PAWR: variants seen among roughly 807,000 people sequenced by gnomAD.
The protein encoded by PAWR is pro-apoptotic WT1 regulator.
Under a neutral mutation model 32.0 loss-of-function variants are expected in PAWR, and 23 were observed. The observed-to-expected ratio is 0.72, with a 90% confidence interval of 0.52 to 1.02. PAWR has a LOEUF of 1.02. Among genes scored for constraint, PAWR ranks in the 50% least tolerant of loss-of-function variants. PAWR has a pLI of 0.00. For missense variants in PAWR, 457 were observed against 437.7 expected, an observed-to-expected ratio of 1.04 and a Z score of -0.39; for synonymous variants, 226 against 187.1, an observed-to-expected ratio of 1.21 and a Z score of -1.70.
rs1190753625 is a variant in PAWR at position 79,590,435 on chromosome 12, T to C, written c.*2172A>G. 2 of 152,098 alleles carry C rather than the reference T, an allele frequency of 1.3e-5. No individual in the cohort carries two copies. Among genetic ancestry groups the C allele is most frequent in the Non-Finnish European group, 2.9e-5 (2 of 68,036 alleles). 9.4% of individuals were successfully genotyped at this position (152,098 alleles called of 1,614,324 possible). ...AAGCTGGTCTCAAACTCCCGAACTC[T>C]GGTAATCCACCCGCCTTGGCCTCCC... On this transcript the variant is annotated 3_prime_UTR_variant, in exon 7 of 7. Coordinates refer to ENST00000328827, the MANE Select transcript of PAWR (RefSeq NM_002583.4).
At chr12:79,679,403 C>CA (rs35911603) in intron 2 of PAWR, among the ~76,000 whole-genome samples, 5 of 151,392 alleles carry the variant, frequency 3.3e-5, no homozygotes, top group East Asian at 1.9e-4. Flanking sequence ...GACACTGGTA[C>CA]AAAAAAAAGG....
At chr12:79,609,303 T>C (rs1874331407) in intron 4 of PAWR, among the ~76,000 whole-genome samples, 2 of 152,162 alleles carry the variant, frequency 1.3e-5, no homozygotes, top group African/African-American at 4.8e-5. Context: ...TGTGGGTTAA[T>C]ACGAAATGTG....
intron 2 of PAWR, among the ~76,000 whole-genome samples, chr12:79,671,209 G>T (rs1317992556): frequency 2.0e-5 from 3 of 151,496 alleles, no homozygotes; most frequent in African/African-American, 7.3e-5. Context: ...TTGTTTGGTG[G>T]TGTTTTAAAC....
intron 2 of PAWR, among the ~76,000 whole-genome samples, chr12:79,643,900 A>G (rs1446042381): frequency 6.6e-6 from 1 of 152,218 alleles, no homozygotes; most frequent in Non-Finnish European, 1.5e-5. Flanking sequence ...TTTCACTGAC[A>G]TTGGACTAAA....
intron 2 of PAWR, among the ~76,000 whole-genome samples, chr12:79,627,016 T>C (rs1258832060): frequency 6.6e-6 from 1 of 152,194 alleles, no homozygotes; most frequent in African/African-American, 2.4e-5. Flanking sequence ...TGGTTCCAAG[T>C]CTTTGCTATT....
At chr12:79,654,986 T>A (rs1359081861) in intron 2 of PAWR, among the ~76,000 whole-genome samples, 2 of 152,194 alleles carry the variant, frequency 1.3e-5, no homozygotes, top group South Asian at 2.1e-4. Context: ...TTCTGTTCAA[T>A]AACAATCAAG....
chr12:79,655,701 C>T (rs1877061424), intron 2 of PAWR, among the ~76,000 whole-genome samples: 6 of 152,140 alleles, frequency 3.9e-5, no homozygotes, highest in Admixed American at 3.9e-4. Context: ...CCTTGTGGTC[C>T]GTAAATTTAG....
chr12:79,676,597 T>G (rs1240881265), intron 2 of PAWR, among the ~76,000 whole-genome samples: 1 of 152,180 alleles, frequency 6.6e-6, no homozygotes, highest in Non-Finnish European at 1.5e-5. Flanking sequence ...AGCCTGATAG[T>G]TGATCTTATT....
chr12:79,607,635 T>G (rs888496212), intron 4 of PAWR, among the ~76,000 whole-genome samples: 1 of 151,094 alleles, frequency 6.6e-6, no homozygotes, highest in Non-Finnish European at 1.5e-5. Context: ...AGGCCAAAGC[T>G]GGAGGATCAC....
At chr12:79,643,945 G>T (rs1000541282) in intron 2 of PAWR, among the ~76,000 whole-genome samples, 3 of 152,132 alleles carry the variant, frequency 2.0e-5, no homozygotes, top group African/African-American at 7.2e-5. Context: ...ATTTTGGTCT[G>T]CTATGTGTCA....
At chr12:79,618,015 AGT>A (rs1341281490) in intron 3 of PAWR, among the ~76,000 whole-genome samples, 8 of 152,194 alleles carry the variant, frequency 5.3e-5, no homozygotes, top group Non-Finnish European at 7.3e-5. Context: ...AGCCTGTAGA[AGT>A]GTGAGACAAT....
chr12:79,682,787 G>A (rs975865846), intron 2 of PAWR, among the ~76,000 whole-genome samples: 9 of 152,180 alleles, frequency 5.9e-5, no homozygotes, highest in African/African-American at 2.2e-4. Context: ...TAAACAGAAA[G>A]TTGACTCAGC....
chr12:79,620,589 A>G (rs1036703588), intron 3 of PAWR, among the ~76,000 whole-genome samples: 4 of 152,190 alleles, frequency 2.6e-5, no homozygotes, highest in Non-Finnish European at 4.4e-5. Context: ...AGTCCCAAGT[A>G]GAATGTGAAG....
chr12:79,618,455 T>C (rs1328365325), intron 3 of PAWR, among the ~76,000 whole-genome samples: 2 of 152,206 alleles, frequency 1.3e-5, no homozygotes, highest in Non-Finnish European at 2.9e-5. Flanking sequence ...GGTAAGAACA[T>C]TTAAAATACT....
intron 2 of PAWR, among the ~76,000 whole-genome samples, chr12:79,667,237 T>C (rs1049763593): frequency 1.3e-5 from 2 of 152,202 alleles, no homozygotes; most frequent in African/African-American, 4.8e-5. Context: ...TGACAGCTGA[T>C]CTAGGCAATT....
intron 2 of PAWR, among the ~76,000 whole-genome samples, chr12:79,646,223 T>A (rs1201761546): frequency 3.3e-5 from 5 of 152,100 alleles, no homozygotes; most frequent in Non-Finnish European, 7.4e-5. Context: ...CTGCAGGAAG[T>A]TAGTGAATCT....
chr12:79,685,938 T>C (rs1365589364), intron 2 of PAWR, among the ~76,000 whole-genome samples: 1 of 152,188 alleles, frequency 6.6e-6, no homozygotes, highest in Non-Finnish European at 1.5e-5. Flanking sequence ...AGTTACTTTC[T>C]ATGTGATCTT....
rs1380711146 is a variant in PAWR at position 79,590,576 on chromosome 12, G to A, written c.*2031C>T. 3.9e-5 allele frequency: 6 copies of A among 152,130 alleles called. No homozygotes were observed. Among genetic ancestry groups the A allele is most frequent in the Admixed American group, 3.9e-4 (6 of 15,286 alleles). 9.4% of individuals were successfully genotyped at this position (152,130 alleles called of 1,614,324 possible). Reference sequence around the variant, plus strand: ...ATATGAATTAAATAGAAAATTCAAAGTAATTCTTTTAATAAAAACCCATAT... The same window carrying A: ...ATATGAATTAAATAGAAAATTCAAAATAATTCTTTTAATAAAAACCCATAT... On this transcript the variant is annotated 3_prime_UTR_variant, in exon 7 of 7. Transcript: ENST00000328827.
rs559893074 is a variant in PAWR, at chr12:79,686,059, C to T, written c.516+3670G>A. Among the ~76,000 whole-genome samples the T allele has an allele frequency of 1.9e-3, 289 of 152,202 alleles. 1 individual carries two copies. The highest frequency in any genetic ancestry group is 6.1e-3 in the African/African-American group (253 of 41,544). ...CAGTACATAAAGCACTTTAGCCAACCACTAAAGCTAAACCACTTTAGCCAA... is the reference window on the plus strand; with the variant it reads ...CAGTACATAAAGCACTTTAGCCAACTACTAAAGCTAAACCACTTTAGCCAA... On this transcript the variant is annotated intron_variant, in intron 2 of 6. Transcript: ENST00000328827.
Sources: allele counts gnomAD v4.1 joint callset (sites outside exome capture counted in the v4.1 genomes callset), GRCh38; gene constraint gnomAD v4.1.1; transcripts MANE v1.5; gene names NCBI Gene and HGNC (gene_info 2026-07-23, HGNC 2026-07-21).